The following UGT2A1 variants were observed in gnomAD, a reference collection of about 807,000 sequenced individuals.
The protein encoded by UGT2A1 is UDP-glucuronosyltransferase 2A1.
UGT2A1 carries 61 observed loss-of-function variants against 45.4 expected under a neutral mutation model. That is an observed-to-expected ratio of 1.34 (90% CI 1.09 to 1.66). The LOEUF (loss-of-function observed/expected upper bound fraction) is 1.66. UGT2A1 is among the 40% of genes most tolerant of loss of function. UGT2A1 has a pLI of 0.00. For missense variants in UGT2A1, 649 were observed against 574.3 expected, an observed-to-expected ratio of 1.13 and a Z score of -1.33; for synonymous variants, 229 against 196.2, an observed-to-expected ratio of 1.17 and a Z score of -1.40.
Position 69,639,055 on chromosome 4 carries a change from G to A in UGT2A1, c.716-3233C>T, listed in dbSNP as rs1578001704. ...GCCGGTACATAGGAGACTGGTGCTG[G>A]GATTTTCCCACAGTGTCTCTCCACT... On this transcript the variant is annotated intron_variant, in intron 2 of 6. Coordinates refer to ENST00000286604, the MANE Select transcript of UGT2A1 (RefSeq NM_001252275.3). The A allele has an allele frequency of 1.9e-6, 3 of 1,613,382 alleles. No individual in the cohort carries two copies. The East Asian group carries it at 6.7e-5, about 36-fold the overall frequency.
chr4:69,633,430 C>G (rs1292105195), intron 3 of UGT2A1, among the ~76,000 whole-genome samples: 4 of 152,158 alleles, frequency 2.6e-5, no homozygotes, highest in Non-Finnish European at 5.9e-5. Context: ...TATGACCTGT[C>G]AATTCCACTC....
intron 3 of UGT2A1, among the ~76,000 whole-genome samples, chr4:69,624,754 C>T (rs1169123884): frequency 6.6e-6 from 1 of 151,210 alleles, no homozygotes; most frequent in East Asian, 1.9e-4. Context: ...CAGTTTACTT[C>T]TATGTATTAC....
intron 3 of UGT2A1, among the ~76,000 whole-genome samples, chr4:69,618,765 C>T (rs1483370293): frequency 1.3e-5 from 2 of 151,772 alleles, no homozygotes; most frequent in Non-Finnish European, 2.9e-5. Flanking sequence ...TACTCCAATA[C>T]CTTTATTGGT....
At chr4:69,646,251 A>G (rs1722253775) in intron 2 of UGT2A1, among the ~76,000 whole-genome samples, 1 of 151,790 alleles carries the variant, frequency 6.6e-6, no homozygotes, top group Non-Finnish European at 1.5e-5. Context: ...AAAAATGGGC[A>G]AGGCCTGTTT....
chr4:69,647,834 G>T (rs780462088), intron 1 of UGT2A1, 136 bp from the exon 2 acceptor site: 9 of 427,014 alleles, frequency 2.1e-5, no homozygotes, highest in African/African-American at 6.2e-5. Flanking sequence ...CAGATTTATG[G>T]GTAATGTGTC....
intron 5 of UGT2A1, 126 bp downstream of exon 5, chr4:69,595,036 G>T: frequency 7.6e-7 from 1 of 1,320,448 alleles, no homozygotes; most frequent in Non-Finnish European, 1.1e-6. Flanking sequence ...AATTATATCT[G>T]CTTTAAAATT....
chr4:69,594,587 A>G lies in UGT2A1; in HGVS notation c.1194T>C (p.Pro398=), dbSNP rs957475849. The G allele has an allele frequency of 1.2e-6, 2 of 1,614,144 alleles. No individual in the cohort carries two copies. Among genetic ancestry groups the G allele is most frequent in the Non-Finnish European group, 1.7e-6 (2 of 1,180,040 alleles). ...MVGVPMFADQ[P]DNIAHMKAKG... is the part of the protein sequence containing the mutation. The stretch of plus-strand genomic sequence containing the variant: ...TGGCCTTCATGTGAGCAATGTTATC[A>G]GGCTGATCAGCAAACATGGGAACTC... The change falls in exon 6 of 7, where the codon CCT becomes CCC. Residue 398 remains proline (P), a synonymous_variant. Transcript: ENST00000286604.
In UGT2A1 at chr4:69,602,872, T is replaced by C. The variant is rs1435807054; in HGVS notation, c.848-3478A>G. On this transcript the variant is annotated intron_variant, in intron 3 of 6. Transcript: ENST00000286604. ...TTAAGGGTCAGGAGTTCAAGACCAG[T>C]GTGGCCAAGATGGTGAAACCCCGTC... 3.0e-5 allele frequency among the ~76,000 whole-genome samples: 4 copies of C among 134,638 alleles called. 1 individual carries two copies. The highest frequency in any genetic ancestry group is 1.5e-4 in the Admixed American group (2 of 13,592). The allele number at this position is 134,638 out of a possible 152,430, so 88.3% of individuals were successfully genotyped here. A position where few individuals can be genotyped will look rare whatever the true frequency, so the allele number is the denominator to read the frequency against.
At chr4:69,627,534 A>AAGAG (rs150318319) in intron 3 of UGT2A1, among the ~76,000 whole-genome samples, 1 of 139,470 alleles carries the variant, frequency 7.2e-6, no homozygotes, top group African/African-American at 2.6e-5. Flanking sequence ...GAAAGAAAGA[A>AAGAG]AGAGAGAGAG....
chr4:69,598,083 A>C (rs1719046602), intron 4 of UGT2A1, among the ~76,000 whole-genome samples: 1 of 152,128 alleles, frequency 6.6e-6, no homozygotes, highest in African/African-American at 2.4e-5. Context: ...ATACGTCATG[A>C]ATATTTCTGT....
chr4:69,608,121 G>C (rs555575843), intron 3 of UGT2A1, among the ~76,000 whole-genome samples: 1 of 152,194 alleles, frequency 6.6e-6, no homozygotes, highest in African/African-American at 2.4e-5. Flanking sequence ...CCATGCACAC[G>C]TATGTTTATT....
intron 2 of UGT2A1, among the ~76,000 whole-genome samples, chr4:69,638,247 C>CTCA (rs1316770455): frequency 1.3e-5 from 2 of 152,020 alleles, no homozygotes; most frequent in Non-Finnish European, 2.9e-5. Context: ...TAAAGGGAGG[C>CTCA]TCATAAAAGC....
chr4:69,620,980 A>G (rs1720719769), intron 3 of UGT2A1, among the ~76,000 whole-genome samples: 1 of 152,218 alleles, frequency 6.6e-6, no homozygotes, highest in East Asian at 1.9e-4. Flanking sequence ...CCCCTTTCTT[A>G]CACCATATAC....
intron 2 of UGT2A1, chr4:69,639,136 C>A: frequency 6.2e-7 from 1 of 1,613,630 alleles, no homozygotes; most frequent in African/African-American, 1.3e-5. Flanking sequence ...AATTTCAGAG[C>A]AACAAGATCA....
At chr4:69,620,662 A>T (rs531415293) in intron 3 of UGT2A1, among the ~76,000 whole-genome samples, 2 of 151,472 alleles carry the variant, frequency 1.3e-5, no homozygotes, top group South Asian at 2.1e-4. Context: ...AACCAAAAAA[A>T]AAAAAGAGCC....
rs76978959 is a variant in UGT2A1, at chr4:69,602,130, T to C, written c.848-2736A>G. Among the ~76,000 whole-genome samples, 26 of 136,480 alleles carry C rather than the reference T, an allele frequency of 1.9e-4. 8 individuals carry two copies. The highest frequency in any genetic ancestry group is 3.3e-4 in the Non-Finnish European group (21 of 64,138). 89.5% of individuals were successfully genotyped at this position (136,480 alleles called of 152,430 possible). On this transcript the variant is annotated intron_variant, in intron 3 of 6. Transcript: ENST00000286604. ...GAAAAAGTTGGACTCATTATAGTAA[T>C]GAAATGATAGCTTAAAACTGAAAAG...
chr4:69,652,953 T>C (rs1722608565), intron 1 of UGT2A1, among the ~76,000 whole-genome samples: 2 of 152,218 alleles, frequency 1.3e-5, no homozygotes, highest in African/African-American at 4.8e-5. Flanking sequence ...CTCAACTTAC[T>C]GCTCTGTCCA....
chr4:69,589,802 G>A (rs1718487050), intron 6 of UGT2A1, 151 bp from the exon 7 acceptor site: 7 of 1,193,990 alleles, frequency 5.9e-6, no homozygotes, highest in South Asian at 1.7e-5. Flanking sequence ...AGTTGTATAG[G>A]ATTTTAAGAG....
chr4:69,643,634 A>G (rs560888520), intron 2 of UGT2A1, among the ~76,000 whole-genome samples: 1 of 151,772 alleles, frequency 6.6e-6, no homozygotes, highest in African/African-American at 2.4e-5. Flanking sequence ...ATGATCTGAA[A>G]TAAAATGAGT....
Sources: allele counts gnomAD v4.1 joint callset (sites outside exome capture counted in the v4.1 genomes callset), GRCh38; gene constraint gnomAD v4.1.1; transcripts MANE v1.5; gene names NCBI Gene and HGNC (gene_info 2026-07-23, HGNC 2026-07-21).